SDCCAG8: variants seen among roughly 807,000 people sequenced by gnomAD.
The protein encoded by SDCCAG8 is serologically defined colon cancer antigen 8.
In SDCCAG8, 74 loss-of-function variants were observed where a neutral mutation model predicts 101.8. That is an observed-to-expected ratio of 0.73 (90% CI 0.60 to 0.88). SDCCAG8 has a LOEUF of 0.88. SDCCAG8 is among the 40% of genes least tolerant of loss of function. The pLI is 0.00. For missense variants in SDCCAG8, 787 were observed against 822.6 expected, an observed-to-expected ratio of 0.96 and a Z score of 0.53; for synonymous variants, 281 against 292.9, an observed-to-expected ratio of 0.96 and a Z score of 0.41.
At chr1:243,478,476 G>C (rs1016134562) in intron 16 of SDCCAG8, among the ~76,000 whole-genome samples, 3 of 152,162 alleles carry the variant, frequency 2.0e-5, no homozygotes, top group Non-Finnish European at 2.9e-5. Context: ...GGAGCCCCCT[G>C]TTCTTCCTCT....
intron 12 of SDCCAG8, among the ~76,000 whole-genome samples, chr1:243,377,763 T>C (rs1241959580): frequency 6.6e-6 from 1 of 151,714 alleles, no homozygotes; most frequent in African/African-American, 2.4e-5. Flanking sequence ...CAAAAGGAGG[T>C]TGCAATTTTT....
At chr1:243,348,193 GC>G (rs2075848482) in intron 12 of SDCCAG8, among the ~76,000 whole-genome samples, 1 of 138,352 alleles carries the variant, frequency 7.2e-6, no homozygotes, top group African/African-American at 2.6e-5. Context: ...CCACGACCAC[GC>G]CCGGCTAATT....
chr1:243,489,033 C>A lies in SDCCAG8; in HGVS notation c.2005C>A (p.His669Asn). 6.2e-7 allele frequency: 1 copy of A among 1,613,422 alleles called. No individual in the cohort carries two copies. Among genetic ancestry groups the A allele is most frequent in the Non-Finnish European group, 8.5e-7 (1 of 1,180,036 alleles). ...CTCCAGGCTAAGGCAGCTGGATAAGCACAGCCAGGCCACAGCCCAGCAGCT... is the reference window on the plus strand; with the variant it reads ...CTCCAGGCTAAGGCAGCTGGATAAGAACAGCCAGGCCACAGCCCAGCAGCT... ...MKQRLRQLDKHSQATAQQLVQ... is the reference protein window; with the variant it reads ...MKQRLRQLDKNSQATAQQLVQ... The change falls in exon 17 of 18, where the codon CAC becomes AAC. Residue 669 changes from histidine to asparagine, a missense_variant. By Grantham distance (68) the His-to-Asn change is moderately conservative. Coordinates refer to ENST00000366541, the MANE Select transcript of SDCCAG8 (RefSeq NM_006642.5).
At chr1:243,303,037 T>C (rs1398427384) in intron 6 of SDCCAG8, among the ~76,000 whole-genome samples, 1 of 152,142 alleles carries the variant, frequency 6.6e-6, no homozygotes, top group African/African-American at 2.4e-5. Flanking sequence ...ATGAAAGAGA[T>C]TGTGGATGTG....
intron 16 of SDCCAG8, among the ~76,000 whole-genome samples, chr1:243,465,963 T>C (rs1161857883): frequency 6.6e-6 from 1 of 152,220 alleles, no homozygotes; most frequent in Admixed American, 6.5e-5. Context: ...CATTTTTCCA[T>C]AGCCTATTCT....
chr1:243,482,462 CG>C (rs1663933344), intron 16 of SDCCAG8, among the ~76,000 whole-genome samples: 1 of 152,216 alleles, frequency 6.6e-6, no homozygotes. Flanking sequence ...GATGCCCTTG[CG>C]TGGAAGGGGA....
At chr1:243,317,389 C>T (rs185873024) in intron 9 of SDCCAG8, among the ~76,000 whole-genome samples, 14 of 143,490 alleles carry the variant, frequency 9.8e-5, no homozygotes, top group Admixed American at 2.9e-4. Context: ...GGCACGATTT[C>T]GGCTCACAGC....
intron 17 of SDCCAG8, among the ~76,000 whole-genome samples, chr1:243,492,242 C>G (rs12141898): frequency 1.3e-5 from 2 of 149,352 alleles, no homozygotes; most frequent in Non-Finnish European, 3.0e-5. Flanking sequence ...CCGGCGCTGT[C>G]TGCGGTGGGC....
At chr1:243,462,311 C>T (rs936142259) in intron 16 of SDCCAG8, among the ~76,000 whole-genome samples, 1 of 152,154 alleles carries the variant, frequency 6.6e-6, no homozygotes, top group African/African-American at 2.4e-5. Flanking sequence ...TCCTATCATC[C>T]CTGCCTCTAA....
rs187944424 is a variant in SDCCAG8, at chr1:243,437,962, A to G, written c.1985+11404A>G. Reference sequence around the variant, plus strand: ...AGGTTTCCACCCATTTCCCAGAGGAAGACAGCTTTTGCCTCTCACCTTCTC... The same window carrying G: ...AGGTTTCCACCCATTTCCCAGAGGAGGACAGCTTTTGCCTCTCACCTTCTC... On this transcript the variant is annotated intron_variant, in intron 16 of 17. Coordinates refer to ENST00000366541, the MANE Select transcript of SDCCAG8 (RefSeq NM_006642.5). Among the ~76,000 whole-genome samples, 502 of 152,314 alleles carry G rather than the reference A, an allele frequency of 3.3e-3. 2 individuals carry two copies. Among genetic ancestry groups the G allele is most frequent in the African/African-American group, 0.012 (498 of 41,566 alleles).
rs1240002385 is a variant in SDCCAG8, at chr1:243,330,838, A to G, written c.1221+146A>G. 6.7e-6 allele frequency: 5 copies of G among 741,906 alleles called. No homozygotes were observed. The African/African-American group carries it at 8.9e-5, about 13-fold the overall frequency. The allele number at this position is 741,906 out of a possible 1,614,324, so 46.0% of individuals were successfully genotyped here. ...GTAGTTAAATTTCGTATAATTTAGA[A>G]TTCATAAAAATGTTTTATCTTTTCA... On this transcript the variant is annotated intron_variant, in intron 10 of 17. Coordinates refer to ENST00000366541, the MANE Select transcript of SDCCAG8 (RefSeq NM_006642.5).
intron 16 of SDCCAG8, among the ~76,000 whole-genome samples, chr1:243,443,812 C>T (rs1439595534): frequency 6.6e-6 from 1 of 152,070 alleles, no homozygotes; most frequent in African/African-American, 2.4e-5. Flanking sequence ...ACATGCTCTC[C>T]TCCCCTCCTG....
intron 5 of SDCCAG8, among the ~76,000 whole-genome samples, chr1:243,289,321 C>T (rs563284220): frequency 8.5e-5 from 13 of 152,252 alleles, no homozygotes; most frequent in African/African-American, 2.4e-4. Flanking sequence ...GCTTTATATT[C>T]GCTGGCAGCT....
chr1:243,351,902 A>G (rs1032343288), intron 12 of SDCCAG8, among the ~76,000 whole-genome samples: 1 of 152,272 alleles, frequency 6.6e-6, no homozygotes, highest in Non-Finnish European at 1.5e-5. Flanking sequence ...TTTTCTGCAT[A>G]AAGAAGCAGT....
At chr1:243,359,210 C>T (rs2076555591) in intron 12 of SDCCAG8, among the ~76,000 whole-genome samples, 1 of 152,134 alleles carries the variant, frequency 6.6e-6, no homozygotes, top group Non-Finnish European at 1.5e-5. Flanking sequence ...AGCCTACTTA[C>T]CCATAGATTT....
rs569531869 is a variant in SDCCAG8, at chr1:243,347,360, A to G, written c.1473+3029A>G. Reference sequence around the variant, plus strand: ...TAATATCAAATAACACCCAGCCTATATTCACATTTCTTTGTCTCAAAAATG... The same window carrying G: ...TAATATCAAATAACACCCAGCCTATGTTCACATTTCTTTGTCTCAAAAATG... On this transcript the variant is annotated intron_variant, in intron 12 of 17. Coordinates refer to ENST00000366541, the MANE Select transcript of SDCCAG8 (RefSeq NM_006642.5). Among the ~76,000 whole-genome samples, 152 of 152,320 alleles carry G rather than the reference A, an allele frequency of 1.0e-3. 1 individual carries two copies. The highest frequency in any genetic ancestry group is 1.7e-3 in the Non-Finnish European group (116 of 68,022).
chr1:243,309,721 T>C (rs1045001639), intron 8 of SDCCAG8, among the ~76,000 whole-genome samples: 2 of 152,208 alleles, frequency 1.3e-5, no homozygotes, highest in Admixed American at 1.3e-4. Flanking sequence ...CAGGCTGTTC[T>C]TGAACTCCTG....
At position 243,378,798 on chromosome 1, in the gene SDCCAG8, C is replaced by G. The variant is rs144122242; in HGVS notation, c.1551C>G (p.Ala517=). Residue 517 remains alanine (A), a synonymous_variant, in exon 13 of 18, where the codon GCC becomes GCG. Transcript: ENST00000366541. ...AGGAGCAGCAGAAGGCAGCCCTGGC[C>G]AGAGAGGAGTGCCTGAGACTAACAG... The part of the protein sequence containing the change: ...LEQEQQKAAL[A]REECLRLTEL... 5 of 1,613,958 alleles carry G rather than the reference C, an allele frequency of 3.1e-6. No homozygotes were observed. The highest frequency in any genetic ancestry group is 4.2e-6 in the Non-Finnish European group (5 of 1,179,984).
At chr1:243,450,048 A>G (rs1303875798) in intron 16 of SDCCAG8, among the ~76,000 whole-genome samples, 3 of 152,196 alleles carry the variant, frequency 2.0e-5, no homozygotes, top group Non-Finnish European at 4.4e-5. Context: ...AGAGGCCAAC[A>G]TTCCCTGATT....
Sources: gnomAD v4.1 joint callset for allele counts (sites outside exome capture counted in the v4.1 genomes callset) on GRCh38, gnomAD v4.1.1 for gene constraint, MANE v1.5 for transcripts, NCBI Gene and HGNC (gene_info 2026-07-23, HGNC 2026-07-21) for gene names.